IFT122: variants seen among roughly 807,000 people sequenced by gnomAD.
The protein encoded by IFT122 is intraflagellar transport protein 122 homolog.
A neutral mutation model predicts 161.6 loss-of-function variants in IFT122; 118 were observed. The observed-to-expected ratio is 0.73, with a 90% confidence interval of 0.63 to 0.85. The LOEUF (loss-of-function observed/expected upper bound fraction) is 0.85. IFT122 is among the 40% of genes least tolerant of loss of function. The pLI is 0.00. For synonymous variants in IFT122, 550 were observed against 602.4 expected, an observed-to-expected ratio of 0.91 and a Z score of 1.27; for missense variants, 1,381 against 1,579.6, an observed-to-expected ratio of 0.87 and a Z score of 2.13.
intron 19 of IFT122, among the ~76,000 whole-genome samples, 177 bp from the exon 20 acceptor site, chr3:129,502,534 C>T (rs577611342): frequency 1.3e-5 from 2 of 152,176 alleles, no homozygotes; most frequent in Admixed American, 1.3e-4. Flanking sequence ...GGCCACCTCT[C>T]CCAGATCCTG....
At chr3:129,455,108 A>G (rs1244697711) in intron 3 of IFT122, among the ~76,000 whole-genome samples, 1 of 151,676 alleles carries the variant, frequency 6.6e-6, no homozygotes, top group African/African-American at 2.4e-5. Context: ...ATTGAGATAC[A>G]CTGAATTCCA....
At chr3:129,517,740 TGGGACA>T (rs1560030182) in intron 27 of IFT122, 146 bp downstream of exon 27, 2 of 1,132,918 alleles carry the variant, frequency 1.8e-6, no homozygotes, top group Admixed American at 1.8e-5. Context: ...GAGGCCCACA[TGGGACA>T]GGGACAGGGA....
rs572928712 is a variant in IFT122, at chr3:129,511,158, A to T, written c.2887-1154A>T. On this transcript the variant is annotated intron_variant, in intron 23 of 29. Transcript: ENST00000348417. ...GGAAGTTCAGGTCCTTCCTGGATAC[A>T]TGGCATCTTTCCCAGAGGAAAGGAC... 2.6e-5 allele frequency among the ~76,000 whole-genome samples: 4 copies of T among 152,296 alleles called. No homozygotes were observed. In the East Asian group the frequency reaches 7.7e-4, roughly 29 times the overall value.
intron 1 of IFT122, among the ~76,000 whole-genome samples, chr3:129,446,547 G>C (rs967909582): frequency 1.3e-5 from 2 of 152,114 alleles, no homozygotes; most frequent in African/African-American, 4.8e-5. Context: ...TCAACCAATT[G>C]TCAGAAAAAT....
rs901416686 is a variant in IFT122, at chr3:129,492,295, A to C, written c.2046+101A>C. 9.4e-6 allele frequency: 9 copies of C among 961,298 alleles called. No homozygotes were observed. The Admixed American group carries it at 1.5e-4, about 16-fold the overall frequency. 59.5% of individuals were successfully genotyped at this position (961,298 alleles called of 1,614,324 possible). A position where few individuals can be genotyped will look rare whatever the true frequency, so the allele number is the denominator to read the frequency against. On this transcript the variant is annotated intron_variant, in intron 17 of 29. Transcript: ENST00000348417. ...GCAAGAGCCTTGAGGACATGGGAAC[A>C]GAGCTCACTGGCGTCTGGGCATCTG...
intron 3 of IFT122, among the ~76,000 whole-genome samples, chr3:129,458,320 G>T (rs1173389247): frequency 6.6e-6 from 1 of 152,048 alleles, no homozygotes; most frequent in Non-Finnish European, 1.5e-5. Context: ...ATGAAAGTAG[G>T]GATCATGTGT....
chr3:129,460,381 A>G (rs2076089822), intron 4 of IFT122, among the ~76,000 whole-genome samples: 2 of 151,852 alleles, frequency 1.3e-5, no homozygotes, highest in South Asian at 4.1e-4. Flanking sequence ...GTGTTGTAGC[A>G]TGTGTCAGAA....
intron 9 of IFT122, among the ~76,000 whole-genome samples, chr3:129,471,773 C>T (rs1417612269): frequency 6.6e-6 from 1 of 152,126 alleles, no homozygotes; most frequent in Non-Finnish European, 1.5e-5. Context: ...GTAAATCAAA[C>T]CCATACTTTT....
chr3:129,511,618 A>G (rs2082839180), intron 23 of IFT122, among the ~76,000 whole-genome samples: 1 of 152,252 alleles, frequency 6.6e-6, no homozygotes, highest in Non-Finnish European at 1.5e-5. Flanking sequence ...CCTCACACAG[A>G]AAATTCCTTA....
At chr3:129,455,565 A>G (rs2075376119) in intron 3 of IFT122, among the ~76,000 whole-genome samples, 1 of 152,124 alleles carries the variant, frequency 6.6e-6, no homozygotes, top group African/African-American at 2.4e-5. Context: ...TGAAGAAATA[A>G]TAGAAATAGC....
chr3:129,494,744 T>C (rs1184255698), intron 17 of IFT122, among the ~76,000 whole-genome samples: 2 of 152,062 alleles, frequency 1.3e-5, no homozygotes, highest in African/African-American at 2.4e-5. Context: ...AAGACTACAT[T>C]GTGTGATACA....
In IFT122 at chr3:129,487,880, A is replaced by G. The variant is rs777424590; in HGVS notation, c.1852-377A>G. 16 of 348,338 alleles carry G rather than the reference A, an allele frequency of 4.6e-5. No individual in the cohort carries two copies. In the Admixed American group the frequency reaches 5.2e-4, roughly 11 times the overall value. 21.6% of individuals were successfully genotyped at this position (348,338 alleles called of 1,614,324 possible). Reference sequence around the variant, plus strand: ...GTGGGGGCTTGAGGGGCTTGGGAGGACTCTGCAGAAGAGGTGACATTTCAA... The same window carrying G: ...GTGGGGGCTTGAGGGGCTTGGGAGGGCTCTGCAGAAGAGGTGACATTTCAA... On this transcript the variant is annotated intron_variant, in intron 15 of 29. Coordinates refer to ENST00000348417, the MANE Select transcript of IFT122 (RefSeq NM_052989.3).
chr3:129,486,945 A>G (rs1207059351), intron 15 of IFT122, among the ~76,000 whole-genome samples: 2 of 152,094 alleles, frequency 1.3e-5, no homozygotes, highest in Non-Finnish European at 2.9e-5. Flanking sequence ...CAATGAGGAG[A>G]GATGGCATGG....
At position 129,457,121 on chromosome 3, in the gene IFT122, C is replaced by T. The variant is rs745581144; in HGVS notation, c.194-1478C>T. ...TGGCACATACTTACCTCTTAATCCT[C>T]GTCTCTCACCAGAGTAGGTGAAGAC... On this transcript the variant is annotated intron_variant, in intron 3 of 29. Coordinates refer to ENST00000348417, the MANE Select transcript of IFT122 (RefSeq NM_052989.3). Among the ~76,000 whole-genome samples, 62 of 152,186 alleles carry T rather than the reference C, an allele frequency of 4.1e-4. 1 individual carries two copies. The highest frequency in any genetic ancestry group is 2.0e-4 in the Admixed American group (3 of 15,280).
rs369997431 is a variant in IFT122 at position 129,460,968 on chromosome 3, T to C, written c.273-260T>C. On this transcript the variant is annotated intron_variant, in intron 4 of 29. Transcript: ENST00000348417. Reference sequence around the variant, plus strand: ...CTAAAGGCCAAGGTGGGAGGATTGATTGCTTGAGGCCAAGCGTTCAAAACC... The same window carrying C: ...CTAAAGGCCAAGGTGGGAGGATTGACTGCTTGAGGCCAAGCGTTCAAAACC... 33 of 1,598,024 alleles carry C rather than the reference T, an allele frequency of 2.1e-5. No individual in the cohort carries two copies. Among genetic ancestry groups the C allele is most frequent in the Non-Finnish European group, 2.8e-5 (33 of 1,165,502 alleles).
chr3:129,488,522 G>A, intron 16 of IFT122, 125 bp downstream of exon 16: 2 of 1,255,714 alleles, frequency 1.6e-6, no homozygotes, highest in Non-Finnish European at 2.3e-6. Context: ...GGCTGACCTG[G>A]GCTTGTATCT....
intron 6 of IFT122, 56 bp downstream of exon 6, chr3:129,463,682 C>G: frequency 7.2e-7 from 1 of 1,393,286 alleles, no homozygotes; most frequent in Non-Finnish European, 1.0e-6. Context: ...CACAGACTCT[C>G]AAAATCCAAT....
intron 7 of IFT122, 126 bp downstream of exon 7, chr3:129,464,907 C>T: frequency 1.9e-6 from 2 of 1,079,680 alleles, no homozygotes; most frequent in Non-Finnish European, 2.8e-6. Flanking sequence ...TAGAACCTGT[C>T]CCATTTGTAT....
chr3:129,476,935 G>GT, intron 11 of IFT122, 134 bp downstream of exon 11: 1 of 883,276 alleles, frequency 1.1e-6, no homozygotes, highest in South Asian at 1.6e-5. Context: ...CTGGGTCTGT[G>GT]TCTTGTTTTC....
Sources: gnomAD v4.1 joint callset for allele counts (sites outside exome capture counted in the v4.1 genomes callset) on GRCh38, gnomAD v4.1.1 for gene constraint, MANE v1.5 for transcripts, NCBI Gene and HGNC (gene_info 2026-07-23, HGNC 2026-07-21) for gene names.